The following MORN4 variants were observed in gnomAD, a reference collection of about 807,000 sequenced individuals.
The protein encoded by MORN4 is MORN repeat containing 4.
MORN4 carries 8 observed loss-of-function variants against 16.4 expected under a neutral mutation model. The observed-to-expected ratio is 0.49, with a 90% CI of 0.29 to 0.88. The LOEUF is 0.88. Ranked by LOEUF, MORN4 falls within the 40% of genes least tolerant of loss-of-function variation. The probability of loss-of-function intolerance (pLI) is 0.09; values close to 1 mark genes in which losing one functional copy is unlikely to be tolerated. For synonymous variants in MORN4, 53 were observed against 68.9 expected, an observed-to-expected ratio of 0.77 and a Z score of 1.14; for missense variants, 159 against 182.9, an observed-to-expected ratio of 0.87 and a Z score of 0.75.
In MORN4 at chr10:97,624,531, G is replaced by A. The variant is rs143390504; in HGVS notation, c.-30-4848C>T. On this transcript the variant is annotated intron_variant, in intron 1 of 4. Coordinates refer to ENST00000307450, the MANE Select transcript of MORN4 (RefSeq NM_178832.4). ...ACTTCTGGGCTAAAGTGATCCTCCC[G>A]CTTCATCCTCTCCAGTAGCTGGGAC... is the stretch of plus-strand genomic sequence containing the variant. 2.2e-3 allele frequency among the ~76,000 whole-genome samples: 334 copies of A among 152,252 alleles called. 1 individual carries two copies. Among genetic ancestry groups the A allele is most frequent in the African/African-American group, 7.7e-3 (321 of 41,540 alleles).
intron 1 of MORN4, among the ~76,000 whole-genome samples, chr10:97,630,079 C>G (rs1346237122): frequency 1.3e-5 from 2 of 152,070 alleles, no homozygotes; most frequent in Non-Finnish European, 2.9e-5. Flanking sequence ...CGCCCGCCAC[C>G]ATGCCCAGCT....
chr10:97,630,058 G>A (rs1280253316), intron 1 of MORN4, among the ~76,000 whole-genome samples: 2 of 151,862 alleles, frequency 1.3e-5, no homozygotes, highest in African/African-American at 2.4e-5. Context: ...CCCAGTAGCT[G>A]GGACTACAGG....
Position 97,617,328 on chromosome 10 carries a change from C to CA in MORN4, c.68-7dup. ...ACCAAAACCATGCCTGCGGCCTGAA[C>CA]AAAGAGAAGGATAGGTGTCAGGTTG... On this transcript the variant is annotated splice_region_variant and splice_polypyrimidine_tract_variant and intron_variant, in intron 2 of 4. Transcript: ENST00000307450. 1 of 1,613,158 alleles carries CA rather than the reference C, an allele frequency of 6.2e-7. No homozygotes were observed. The highest frequency in any genetic ancestry group is 8.5e-7 in the Non-Finnish European group (1 of 1,179,132).
chr10:97,618,566 G>A (rs1165225395), intron 2 of MORN4, among the ~76,000 whole-genome samples: 2 of 152,082 alleles, frequency 1.3e-5, no homozygotes, highest in East Asian at 1.9e-4. Context: ...ACTGTTAGAG[G>A]AGAGACTTCC....
intron 2 of MORN4, among the ~76,000 whole-genome samples, chr10:97,617,986 C>T (rs2041252048): frequency 6.6e-6 from 1 of 152,008 alleles, no homozygotes; most frequent in Non-Finnish European, 1.5e-5. Flanking sequence ...ATCAGCCTGG[C>T]TAACATGGTG....
At chr10:97,619,759 ACATT>A in intron 1 of MORN4, 76 bp from the exon 2 acceptor site, 1 of 1,209,670 alleles carries the variant, frequency 8.3e-7, no homozygotes, top group East Asian at 2.4e-5. Context: ...TTTTATAGAT[ACATT>A]CTAAAGGCCA....
intron 1 of MORN4, among the ~76,000 whole-genome samples, chr10:97,631,082 G>T (rs2041391951): frequency 6.6e-6 from 1 of 152,180 alleles, no homozygotes; most frequent in African/African-American, 2.4e-5. Flanking sequence ...GAACTCCTGG[G>T]ATCAAGTGAT....
chr10:97,620,492 AAAAAAAAAAAAAAAAG>A (rs1173580013), intron 1 of MORN4, among the ~76,000 whole-genome samples: 2 of 128,764 alleles, frequency 1.6e-5, no homozygotes, highest in African/African-American at 6.1e-5. Context: ...CTGTCTCAAA[AAAAAAAAAAAAAAAAG>A]AAAAAAAAAA....
chr10:97,622,895 A>ATTTATTTT (rs2041315599), intron 1 of MORN4, among the ~76,000 whole-genome samples: 1 of 148,660 alleles, frequency 6.7e-6, no homozygotes, highest in African/African-American at 2.5e-5. Flanking sequence ...TTATTTATTT[A>ATTTATTTT]TTTTTTAGAG....
chr10:97,619,489 G>C, intron 2 of MORN4, 98 bp downstream of exon 2: 2 of 852,216 alleles, frequency 2.3e-6, no homozygotes, highest in Non-Finnish European at 4.1e-6. Context: ...TCCTGGAGTT[G>C]AAAATGAAGA....
In MORN4 at chr10:97,615,970, G is replaced by C; in HGVS notation, c.*293C>G. 4.1e-6 allele frequency: 1 copy of C among 242,260 alleles called. No homozygotes were observed. The highest frequency in any genetic ancestry group is 5.4e-5 in the Admixed American group (1 of 18,434). 15.0% of individuals were successfully genotyped at this position (242,260 alleles called of 1,614,324 possible). On this transcript the variant is annotated 3_prime_UTR_variant, in exon 5 of 5. Transcript: ENST00000307450. ...CACAGCAGGCTACACTGGGTAACCT[G>C]AGGTCTTAGGAACAGAGTATCAACC...
chr10:97,632,924 A>G (rs1014299167), intron 1 of MORN4, among the ~76,000 whole-genome samples: 6 of 152,086 alleles, frequency 3.9e-5, no homozygotes, highest in African/African-American at 1.2e-4. Context: ...AGGCTTCCAT[A>G]TGTGGGAGTT....
At chr10:97,620,096 C>G (rs2041275013) in intron 1 of MORN4, among the ~76,000 whole-genome samples, 1 of 151,876 alleles carries the variant, frequency 6.6e-6, no homozygotes, top group African/African-American at 2.4e-5. Flanking sequence ...TAAGTGCCAA[C>G]TTGGATGGCA....
Position 97,622,780 on chromosome 10 carries a change from G to A in MORN4, c.-30-3097C>T, listed in dbSNP as rs552686606. Among the ~76,000 whole-genome samples, 76 of 150,720 alleles carry A rather than the reference G, an allele frequency of 5.0e-4. 1 individual carries two copies. In the South Asian group the frequency reaches 6.3e-3, roughly 12 times the overall value. ...AAATATAAACAGAGGCAAATAGTAC[G>A]TCATTTGATAGACTAAAAAATACAA... On this transcript the variant is annotated intron_variant, in intron 1 of 4. Coordinates refer to ENST00000307450, the MANE Select transcript of MORN4 (RefSeq NM_178832.4).
At chr10:97,627,454 A>AT (rs2041359170) in intron 1 of MORN4, among the ~76,000 whole-genome samples, 4 of 152,236 alleles carry the variant, frequency 2.6e-5, no homozygotes, top group African/African-American at 9.6e-5. Context: ...GAACATAATG[A>AT]TTTTTGATAC....
At chr10:97,622,831 G>C (rs1395076192) in intron 1 of MORN4, among the ~76,000 whole-genome samples, 1 of 149,966 alleles carries the variant, frequency 6.7e-6, no homozygotes, top group South Asian at 2.1e-4. Flanking sequence ...TAATTCCCTA[G>C]GTCTCTTCAT....
At chr10:97,625,760 G>A (rs576305693) in intron 1 of MORN4, among the ~76,000 whole-genome samples, 21 of 152,286 alleles carry the variant, frequency 1.4e-4, no homozygotes, top group South Asian at 8.3e-4. Flanking sequence ...TTGGCCTCAT[G>A]TCATAACGAT....
chr10:97,617,542 C>A (rs907150560), intron 2 of MORN4, among the ~76,000 whole-genome samples: 1 of 152,150 alleles, frequency 6.6e-6, no homozygotes, highest in African/African-American at 2.4e-5. Context: ...AGCAGGTCTA[C>A]CCAAGTATGA....
chr10:97,620,516 AAAG>A, intron 1 of MORN4, among the ~76,000 whole-genome samples: 1 of 150,172 alleles, frequency 6.7e-6, no homozygotes, highest in African/African-American at 2.5e-5. Context: ...AAGAAAAAAA[AAAG>A]AAAATATGGG....
Sources: gnomAD v4.1 joint callset for allele counts (sites outside exome capture counted in the v4.1 genomes callset) on GRCh38, gnomAD v4.1.1 for gene constraint, MANE v1.5 for transcripts, NCBI Gene and HGNC (gene_info 2026-07-23, HGNC 2026-07-21) for gene names.